Variants in GRIK3 observed in about 807,000 individuals in gnomAD.
GRIK3 encodes the protein glutamate ionotropic receptor kainate type subunit 3.
A neutral mutation model predicts 102.5 loss-of-function variants in GRIK3; 29 were observed. That is an observed-to-expected ratio of 0.28 (90% CI 0.21 to 0.39). GRIK3 has a LOEUF of 0.39. Ranked by LOEUF, GRIK3 falls within the 10% of genes least tolerant of loss-of-function variation. The probability of loss-of-function intolerance (pLI) is 1.00; values close to 1 mark genes in which losing one functional copy is unlikely to be tolerated. For synonymous variants in GRIK3, 511 were observed against 504.9 expected (o/e 1.01, Z -0.16); for missense variants, 908 against 1,252.4 (o/e 0.73, Z 4.15).
intron 1 of GRIK3, among the ~76,000 whole-genome samples, chr1:37,009,017 C>T (rs1642560810): frequency 6.6e-6 from 1 of 151,962 alleles, no homozygotes; most frequent in African/African-American, 2.4e-5. Context: ...GCTGTGTGAC[C>T]TTGAGAAAGC....
chr1:36,989,472 C>T lies in GRIK3; in HGVS notation c.115+44522G>A, dbSNP rs3767104. ...GGAGACAAGAGTTAGGAGGCGGCTG[C>T]GGCAGTGTGCGAAGGAGGTCAAGGT... On this transcript the variant is annotated intron_variant, in intron 1 of 15. Transcript: ENST00000373091. Among the ~76,000 whole-genome samples, 125 of 152,288 alleles carry T rather than the reference C, an allele frequency of 8.2e-4. 3 individuals are homozygous for T. In the East Asian group the frequency reaches 0.014, roughly 16 times the overall value.
chr1:36,898,100 T>A, intron 1 of GRIK3, among the ~76,000 whole-genome samples: 1 of 147,390 alleles, frequency 6.8e-6, no homozygotes. Flanking sequence ...AGATAGAGAG[T>A]AGAAGGATGG....
intron 1 of GRIK3, among the ~76,000 whole-genome samples, chr1:36,910,476 T>C (rs1391804513): frequency 6.6e-6 from 1 of 152,216 alleles, no homozygotes; most frequent in Non-Finnish European, 1.5e-5. Context: ...GGCTCTGCTC[T>C]CTGCTGCGCC....
chr1:36,820,749 G>A (rs1177459261), intron 11 of GRIK3, among the ~76,000 whole-genome samples: 3 of 152,156 alleles, frequency 2.0e-5, no homozygotes, highest in Non-Finnish European at 4.4e-5. Flanking sequence ...CTATCCCCCG[G>A]AGAGAACAAT....
intron 1 of GRIK3, among the ~76,000 whole-genome samples, chr1:37,000,539 C>T (rs1344040356): frequency 2.0e-5 from 3 of 152,208 alleles, no homozygotes; most frequent in African/African-American, 4.8e-5. Flanking sequence ...CAAGGTCACA[C>T]AGCCACTTGC....
chr1:37,030,558 CA>C (rs1225063207), intron 1 of GRIK3, among the ~76,000 whole-genome samples: 1 of 141,654 alleles, frequency 7.1e-6, no homozygotes, highest in African/African-American at 2.7e-5. Flanking sequence ...TCCCCCCCCC[CA>C]ACACCTGCTT....
chr1:36,924,284 A>G (rs1472032047), intron 1 of GRIK3, among the ~76,000 whole-genome samples: 3 of 152,154 alleles, frequency 2.0e-5, no homozygotes, highest in Non-Finnish European at 4.4e-5. Context: ...AGAGCCCTGG[A>G]GTGGCTGGAG....
chr1:36,844,068 G>A (rs2124219471), intron 9 of GRIK3, among the ~76,000 whole-genome samples: 1 of 152,338 alleles, frequency 6.6e-6, no homozygotes, highest in South Asian at 2.1e-4. Flanking sequence ...CGGCAAGCTT[G>A]AGCCTTTGGC....
At chr1:36,841,622 C>T in intron 10 of GRIK3, 114 bp downstream of exon 10, 1 of 856,106 alleles carries the variant, frequency 1.2e-6, no homozygotes, top group Non-Finnish European at 1.9e-6. Context: ...TCATCTCCAT[C>T]ACTCCTGTCC....
At chr1:36,873,402 G>A (rs979511039) in intron 3 of GRIK3, among the ~76,000 whole-genome samples, 4 of 152,260 alleles carry the variant, frequency 2.6e-5, no homozygotes, top group South Asian at 4.2e-4. Flanking sequence ...AATTAAGTTC[G>A]TTTCTGTCCC....
In GRIK3 at chr1:36,891,093, C is replaced by A. The variant is rs768224744; in HGVS notation, c.119G>T (p.Gly40Val). The A allele has an allele frequency of 1.2e-6, 2 of 1,610,184 alleles. No homozygotes were observed. The highest frequency in any genetic ancestry group is 1.7e-6 in the Non-Finnish European group (2 of 1,177,630). The change falls in exon 2 of 16, where the codon GGA becomes GTA. Residue 40 changes from glycine (G) to valine (V), a missense_variant. Around this residue, in one of 3 missense-constraint regions of GRIK3, gnomAD observed 585 missense variants for 824.9 expected, o/e 0.71. Transcript: ENST00000373091. ...GGGGCCGTCCGCATACTCGAAGATT[C>A]CTCCTGTGAAAGATGAGTAAAATTG... ...RGMPHVIRIG[G>V]IFEYADGPNA...
At chr1:36,840,697 A>G (rs2124215258) in intron 10 of GRIK3, among the ~76,000 whole-genome samples, 1 of 151,642 alleles carries the variant, frequency 6.6e-6, no homozygotes, top group South Asian at 2.1e-4. Flanking sequence ...ACTGCACTCC[A>G]CCTTGGGTGA....
chr1:36,929,994 A>T (rs72917579), intron 1 of GRIK3, among the ~76,000 whole-genome samples: 1 of 152,236 alleles, frequency 6.6e-6, no homozygotes, highest in Non-Finnish European at 1.5e-5. Context: ...CATTCCTGAC[A>T]GTCCATAGAG....
chr1:36,996,319 G>A (rs1022707222), intron 1 of GRIK3, among the ~76,000 whole-genome samples: 1 of 152,208 alleles, frequency 6.6e-6, no homozygotes, highest in South Asian at 2.1e-4. Flanking sequence ...ATGAGATGAC[G>A]CACATTGAAC....
chr1:37,017,130 C>A (rs568019198), intron 1 of GRIK3, among the ~76,000 whole-genome samples: 50 of 151,156 alleles, frequency 3.3e-4, no homozygotes, highest in African/African-American at 1.2e-3. Context: ...GGGGGAGGAT[C>A]GCTTGAACCT....
Position 36,924,917 on chromosome 1 carries a change from C to T in GRIK3, c.116-33821G>A, listed in dbSNP as rs72917563. 7.5e-3 allele frequency among the ~76,000 whole-genome samples: 1,142 copies of T among 152,074 alleles called. 13 individuals are homozygous for T. Among genetic ancestry groups the T allele is most frequent in the African/African-American group, 0.026 (1,080 of 41,474 alleles). On this transcript the variant is annotated intron_variant, in intron 1 of 15. Coordinates refer to ENST00000373091, the MANE Select transcript of GRIK3 (RefSeq NM_000831.4). ...ACCCAGACACACACAGACATGCACA[C>T]GAAAACCCACACTCTCAGGATAATG...
At chr1:36,982,874 C>G (rs1042588769) in intron 1 of GRIK3, among the ~76,000 whole-genome samples, 3 of 152,060 alleles carry the variant, frequency 2.0e-5, no homozygotes, top group African/African-American at 7.2e-5. Flanking sequence ...TGTTGGCCAA[C>G]AAGTAGGGCA....
chr1:36,950,567 T>C (rs954604624), intron 1 of GRIK3, among the ~76,000 whole-genome samples: 5 of 152,218 alleles, frequency 3.3e-5, no homozygotes, highest in Admixed American at 1.3e-4. Context: ...TTGGACAACA[T>C]GCTCTGGGCT....
intron 1 of GRIK3, among the ~76,000 whole-genome samples, chr1:37,003,497 T>C (rs1241674800): frequency 6.6e-6 from 1 of 152,186 alleles, no homozygotes; most frequent in Non-Finnish European, 1.5e-5. Flanking sequence ...AGTGAAGATG[T>C]CTGAGCTTCT....
Sources: gnomAD v4.1 joint callset for allele counts (sites outside exome capture counted in the v4.1 genomes callset) on GRCh38, gnomAD v4.1.1 for gene constraint, gnomAD v4.1.1 regional missense constraint, MANE v1.5 for transcripts, NCBI Gene and HGNC (gene_info 2026-07-23, HGNC 2026-07-21) for gene names.